LRRC7: variants seen among roughly 807,000 people sequenced by gnomAD.
LRRC7 encodes the protein leucine-rich repeat-containing protein 7.
A neutral mutation model predicts 175.7 loss-of-function variants in LRRC7; 23 were observed. The observed-to-expected ratio is 0.13, with a 90% CI of 0.09 to 0.19. The LOEUF is 0.19. Among genes scored for constraint, LRRC7 ranks in the 10% least tolerant of loss-of-function variants. The probability of loss-of-function intolerance (pLI) is 1.00; values close to 1 mark genes in which losing one functional copy is unlikely to be tolerated. For synonymous variants in LRRC7, 685 were observed against 680.9 expected, an observed-to-expected ratio of 1.01 and a Z score of -0.09; for missense variants, 1,354 against 1,904.7, an observed-to-expected ratio of 0.71 and a Z score of 5.38.
At chr1:70,055,036 A>G (rs1038572171) in intron 23 of LRRC7, among the ~76,000 whole-genome samples, 1 of 152,154 alleles carries the variant, frequency 6.6e-6, no homozygotes, top group Non-Finnish European at 1.5e-5. Flanking sequence ...TTAAATATCA[A>G]ATTTTATTTT....
intron 2 of LRRC7, among the ~76,000 whole-genome samples, chr1:69,731,123 A>G (rs1304847996): frequency 6.6e-6 from 1 of 152,000 alleles, no homozygotes; most frequent in Non-Finnish European, 1.5e-5. Flanking sequence ...TAATGCAGTG[A>G]AACCCCATCT....
chr1:70,043,663 A>G (rs1660100223), intron 21 of LRRC7, among the ~76,000 whole-genome samples: 1 of 152,224 alleles, frequency 6.6e-6, no homozygotes, highest in Non-Finnish European at 1.5e-5. Context: ...CAAAGTCACT[A>G]CTATCACGAT....
At chr1:69,980,799 A>G (rs1653347254) in intron 9 of LRRC7, among the ~76,000 whole-genome samples, 1 of 152,192 alleles carries the variant, frequency 6.6e-6, no homozygotes, top group African/African-American at 2.4e-5. Context: ...TATTTTTACA[A>G]AATCAACCTT....
At chr1:70,063,821 G>A (rs758785458) in intron 23 of LRRC7, among the ~76,000 whole-genome samples, 3 of 151,938 alleles carry the variant, frequency 2.0e-5, no homozygotes, top group East Asian at 3.8e-4. Flanking sequence ...ATACTCCATC[G>A]TTTTTTAATT....
At position 70,043,910 on chromosome 1, in the gene LRRC7, A is replaced by G. The variant is rs753985019; in HGVS notation, c.3970-44A>G. 4 of 1,552,034 alleles carry G rather than the reference A, an allele frequency of 2.6e-6. 1 individual carries two copies. Among genetic ancestry groups the G allele is most frequent in the Middle Eastern group, 1.7e-4 (1 of 5,806 alleles). ...GTTCATGTAATTTATCAGTTTGTTG[A>G]GCATGTGTTCACACCCTGTCACATG... is the stretch of plus-strand genomic sequence containing the variant. On this transcript the variant is annotated intron_variant, in intron 21 of 26. Transcript: ENST00000651989.
At chr1:69,876,907 G>A (rs187025123) in intron 7 of LRRC7, among the ~76,000 whole-genome samples, 2 of 152,234 alleles carry the variant, frequency 1.3e-5, no homozygotes, top group African/African-American at 4.8e-5. Context: ...AGATTATGGA[G>A]ATGTGATGAA....
rs1666775887 is a variant in LRRC7 at position 70,134,043 on chromosome 1, A to G, written c.*12156A>G. On this transcript the variant is annotated 3_prime_UTR_variant, in exon 27 of 27. Coordinates refer to ENST00000651989, the MANE Select transcript of LRRC7 (RefSeq NM_001370785.2). ...TGCATCTGGGTATAGCTTTATTTCC[A>G]TCTGGCAATAACTAGGCATCTACAA... Among the ~76,000 whole-genome samples the G allele has an allele frequency of 6.6e-6, 1 of 152,342 alleles. No homozygotes were observed. The highest frequency in any genetic ancestry group is 1.5e-5 in the Non-Finnish European group (1 of 68,032).
chr1:69,897,102 C>T (rs1163412082), intron 7 of LRRC7, among the ~76,000 whole-genome samples: 1 of 152,126 alleles, frequency 6.6e-6, no homozygotes, highest in Admixed American at 6.5e-5. Context: ...TGCTACCACT[C>T]TTTGAAGATG....
intron 23 of LRRC7, among the ~76,000 whole-genome samples, chr1:70,066,127 T>A (rs1314549258): frequency 6.6e-6 from 1 of 151,978 alleles, no homozygotes; most frequent in East Asian, 1.9e-4. Context: ...GGCCAGACAG[T>A]TAGACCTTCA....
Position 69,909,934 on chromosome 1 carries a change from A to T in LRRC7, c.648-21573A>T, listed in dbSNP as rs550938729. Among the ~76,000 whole-genome samples, 29 of 151,516 alleles carry T rather than the reference A, an allele frequency of 1.9e-4. No homozygotes were observed. In the East Asian group the frequency reaches 5.2e-3, roughly 27 times the overall value. On this transcript the variant is annotated intron_variant, in intron 7 of 26. Coordinates refer to ENST00000651989, the MANE Select transcript of LRRC7 (RefSeq NM_001370785.2). ...AATCAGACATAGATTTGGTCTTTTC[A>T]CATAGTCCCATATTTCTTGGAGGCT...
At chr1:69,988,776 C>G (rs1449598861) in intron 10 of LRRC7, among the ~76,000 whole-genome samples, 1 of 152,134 alleles carries the variant, frequency 6.6e-6, no homozygotes, top group Non-Finnish European at 1.5e-5. Context: ...GATAAGACCA[C>G]CAACATTGCT....
chr1:69,596,158 G>A (rs1646836545), intron 1 of LRRC7, among the ~76,000 whole-genome samples: 1 of 152,036 alleles, frequency 6.6e-6, no homozygotes, highest in Non-Finnish European at 1.5e-5. Context: ...ATTATAAGAA[G>A]AGCACCAGCG....
chr1:69,600,082 T>A (rs2100989634), intron 1 of LRRC7, among the ~76,000 whole-genome samples: 1 of 152,302 alleles, frequency 6.6e-6, no homozygotes, highest in East Asian at 1.9e-4. Flanking sequence ...TAAAAAAATT[T>A]ATTAAATTTT....
chr1:69,652,147 T>A (rs1247943426), intron 1 of LRRC7, among the ~76,000 whole-genome samples: 1 of 152,146 alleles, frequency 6.6e-6, no homozygotes, highest in Non-Finnish European at 1.5e-5. Flanking sequence ...CTCAAGGAAC[T>A]GTTCAGAACA....
rs143607390 is a variant in LRRC7 at position 69,747,719 on chromosome 1, G to T, written c.101-12472G>T. ...ATGGCACTTATTACAACATGAATCA[G>T]GATAAGTATGTAAATATTCAGGATA... is the stretch of plus-strand genomic sequence containing the variant. On this transcript the variant is annotated intron_variant, in intron 2 of 26. Transcript: ENST00000651989. 2.2e-3 allele frequency among the ~76,000 whole-genome samples: 341 copies of T among 152,028 alleles called. 2 individuals carry two copies. In the East Asian group the frequency reaches 0.023, roughly 10 times the overall value.
chr1:69,861,308 T>C (rs1463614826), intron 7 of LRRC7, among the ~76,000 whole-genome samples: 1 of 152,204 alleles, frequency 6.6e-6, no homozygotes, highest in Non-Finnish European at 1.5e-5. Flanking sequence ...ACAGATAATG[T>C]TCTTTAGATA....
intron 4 of LRRC7, among the ~76,000 whole-genome samples, chr1:69,792,804 T>C (rs1189911719): frequency 6.6e-6 from 1 of 152,120 alleles, no homozygotes; most frequent in Non-Finnish European, 1.5e-5. Flanking sequence ...TTGTTGATGA[T>C]GATGCTGATG....
intron 8 of LRRC7, among the ~76,000 whole-genome samples, chr1:69,976,916 C>T (rs553541778): frequency 4.7e-4 from 71 of 152,302 alleles, no homozygotes; most frequent in African/African-American, 1.6e-3. Context: ...GTATCTCCAG[C>T]TAAAACCTAT....
At position 70,131,603 on chromosome 1, in the gene LRRC7, T is replaced by G. The variant is rs894628026; in HGVS notation, c.*9716T>G. Among the ~76,000 whole-genome samples the G allele has an allele frequency of 1.3e-5, 2 of 152,358 alleles. No individual in the cohort carries two copies. The highest frequency in any genetic ancestry group is 2.9e-5 in the Non-Finnish European group (2 of 68,030). ...TTAATTTCTTTGTATAAAGAGAACTTGATAACTATCAAGTTAATTATGTCT... is the reference window on the plus strand; with the variant it reads ...TTAATTTCTTTGTATAAAGAGAACTGGATAACTATCAAGTTAATTATGTCT... On this transcript the variant is annotated 3_prime_UTR_variant, in exon 27 of 27. Coordinates refer to ENST00000651989, the MANE Select transcript of LRRC7 (RefSeq NM_001370785.2).
Sources: gnomAD v4.1 joint callset for allele counts (sites outside exome capture counted in the v4.1 genomes callset) on GRCh38, gnomAD v4.1.1 for gene constraint, MANE v1.5 for transcripts, NCBI Gene and HGNC (gene_info 2026-07-23, HGNC 2026-07-21) for gene names.